MAPK10: variants seen among roughly 807,000 people sequenced by gnomAD.
MAPK10 encodes mitogen-activated protein kinase 10.
In MAPK10, 25 loss-of-function variants were observed where a neutral mutation model predicts 59.3. The observed-to-expected ratio is 0.42, with a 90% CI of 0.31 to 0.59. MAPK10 has a LOEUF of 0.59. Ranked by LOEUF, MAPK10 falls within the 20% of genes least tolerant of loss-of-function variation. The pLI is 0.15. For missense variants in MAPK10, 351 were observed against 568.9 expected (o/e 0.62, Z 3.90); for synonymous variants, 190 against 200.5 (o/e 0.95, Z 0.44).
At chr4:86,261,141 T>C (rs984460636) in intron 2 of MAPK10, among the ~76,000 whole-genome samples, 2 of 152,206 alleles carry the variant, frequency 1.3e-5, no homozygotes, top group Non-Finnish European at 2.9e-5. Flanking sequence ...GCAAACTAAA[T>C]ATTAAGATAT....
intron 2 of MAPK10, among the ~76,000 whole-genome samples, chr4:86,348,838 G>A (rs371083772): frequency 5.9e-5 from 9 of 151,974 alleles, no homozygotes; most frequent in African/African-American, 1.4e-4. Context: ...ACTCTCTAGC[G>A]CTGCCACCCT....
intron 2 of MAPK10, among the ~76,000 whole-genome samples, chr4:86,273,787 T>G (rs1404729993): frequency 2.0e-5 from 3 of 152,062 alleles, no homozygotes; most frequent in Non-Finnish European, 4.4e-5. Context: ...TTGCAATTTA[T>G]GTTCAAGAGG....
intron 9 of MAPK10, chr4:86,091,437 T>A (rs2053127758): frequency 6.7e-6 from 1 of 149,676 alleles, no homozygotes. Context: ...TGTTTCCTCA[T>A]CCAAATAAGA....
At chr4:86,481,226 T>C (rs950674925) in intron 1 of MAPK10, among the ~76,000 whole-genome samples, 8 of 152,184 alleles carry the variant, frequency 5.3e-5, no homozygotes, top group African/African-American at 1.9e-4. Flanking sequence ...AGAAGAATTC[T>C]AGCTTCTATG....
At chr4:86,284,853 CT>C (rs1294899435) in intron 2 of MAPK10, among the ~76,000 whole-genome samples, 1 of 152,132 alleles carries the variant, frequency 6.6e-6, no homozygotes, top group Non-Finnish European at 1.5e-5. Context: ...TTATGAATCC[CT>C]TGTGAGTAGG....
chr4:86,467,015 G>A (rs995526091), intron 1 of MAPK10, among the ~76,000 whole-genome samples: 5 of 152,230 alleles, frequency 3.3e-5, no homozygotes, highest in African/African-American at 1.2e-4. Flanking sequence ...AGATGATGTG[G>A]AACAGAGCCT....
chr4:86,170,712 C>T (rs1483088991), intron 3 of MAPK10, among the ~76,000 whole-genome samples: 18 of 151,894 alleles, frequency 1.2e-4, no homozygotes, highest in Non-Finnish European at 1.5e-5. Flanking sequence ...CTCAGCTCTG[C>T]ACCAAGCGGA....
chr4:86,580,516 T>A (rs977354897), intron 1 of MAPK10, among the ~76,000 whole-genome samples: 1 of 151,838 alleles, frequency 6.6e-6, no homozygotes, highest in African/African-American at 2.4e-5. Flanking sequence ...AAAAAGTAAA[T>A]CAGTGGTCTT....
chr4:86,256,705 T>C (rs997594092), intron 2 of MAPK10, among the ~76,000 whole-genome samples: 4 of 151,272 alleles, frequency 2.6e-5, no homozygotes, highest in African/African-American at 9.7e-5. Context: ...CTTTATGTAT[T>C]ATACTCCATT....
At chr4:86,527,312 C>CAAAAA (rs57390422) in intron 1 of MAPK10, among the ~76,000 whole-genome samples, 1 of 16,196 alleles carries the variant, frequency 6.2e-5, no homozygotes, top group African/African-American at 1.7e-4. Context: ...ACACTGTTGC[C>CAAAAA]AAAAAAAAAA....
intron 1 of MAPK10, among the ~76,000 whole-genome samples, chr4:86,533,280 G>T (rs187803104): frequency 6.6e-6 from 1 of 152,244 alleles, no homozygotes; most frequent in East Asian, 1.9e-4. Context: ...TGTTTAATGG[G>T]TACAGAGTTT....
chr4:86,585,027 A>G (rs991980129), intron 1 of MAPK10, among the ~76,000 whole-genome samples: 1 of 152,218 alleles, frequency 6.6e-6, no homozygotes, highest in African/African-American at 2.4e-5. Flanking sequence ...AGACTTTCCC[A>G]TTAAGAGAAC....
intron 1 of MAPK10, among the ~76,000 whole-genome samples, chr4:86,559,775 C>T (rs947462336): frequency 6.6e-6 from 1 of 151,938 alleles, no homozygotes. Flanking sequence ...CCCGTCTCTA[C>T]TAAAAATACA....
intron 4 of MAPK10, among the ~76,000 whole-genome samples, chr4:86,153,910 C>A (rs116546962): frequency 6.6e-6 from 1 of 151,882 alleles, no homozygotes; most frequent in Non-Finnish European, 1.5e-5. Flanking sequence ...ATTAAGGGTC[C>A]AAAATTTTAA....
At chr4:86,369,736 A>T (rs1738465564) in intron 1 of MAPK10, among the ~76,000 whole-genome samples, 1 of 152,216 alleles carries the variant, frequency 6.6e-6, no homozygotes, top group African/African-American at 2.4e-5. Flanking sequence ...AAATAGTGCA[A>T]TGATAATAGT....
Position 86,310,154 on chromosome 4 carries a change from A to G in MAPK10, c.-7+44376T>C, listed in dbSNP as rs150844986. ...CTAGACTTCCTGCCCTTGCTTCAGG[A>G]TGTCCCACCTTTCCAGATGGAACCA... is the stretch of plus-strand genomic sequence containing the variant. On this transcript the variant is annotated intron_variant, in intron 2 of 13. Coordinates refer to ENST00000641462, the MANE Select transcript of MAPK10 (RefSeq NM_138982.4). 4.3e-3 allele frequency among the ~76,000 whole-genome samples: 654 copies of G among 152,214 alleles called. 5 individuals are homozygous for G. The highest frequency in any genetic ancestry group is 0.015 in the African/African-American group (621 of 41,528).
chr4:86,025,221 A>G (rs1207252297), intron 13 of MAPK10: 2 of 291,814 alleles, frequency 6.9e-6, no homozygotes, highest in Middle Eastern at 9.1e-4. Context: ...GTTAAGTGCT[A>G]CTAGTCAATT....
intron 1 of MAPK10, among the ~76,000 whole-genome samples, chr4:86,446,649 T>C (rs1436238361): frequency 6.6e-6 from 1 of 152,206 alleles, no homozygotes; most frequent in Non-Finnish European, 1.5e-5. Flanking sequence ...ATTATATTTA[T>C]TCCCCAAAGT....
At chr4:86,490,041 C>T (rs1272452829) in intron 1 of MAPK10, among the ~76,000 whole-genome samples, 1 of 152,136 alleles carries the variant, frequency 6.6e-6, no homozygotes, top group African/African-American at 2.4e-5. Context: ...ATTCGTTTTG[C>T]CCACAAAACT....
Sources: allele counts gnomAD v4.1 joint callset (sites outside exome capture counted in the v4.1 genomes callset), GRCh38; gene constraint gnomAD v4.1.1; transcripts MANE v1.5; gene names NCBI Gene and HGNC (gene_info 2026-07-23, HGNC 2026-07-21).